The following ARMH4 variants were observed in gnomAD, a reference collection of about 807,000 sequenced individuals.
ARMH4 encodes armadillo-like helical domain-containing protein 4.
A neutral mutation model predicts 61.9 loss-of-function variants in ARMH4; 49 were observed. The ratio of observed to expected loss-of-function variants is 0.79; its 90% CI spans 0.63 to 1.00. The LOEUF is 1.00. Ranked by LOEUF, ARMH4 falls within the 50% of genes least tolerant of loss-of-function variation. The pLI is 0.00. For synonymous variants in ARMH4, 368 were observed against 341.5 expected (o/e 1.08, Z -0.85); for missense variants, 934 against 930.0 (o/e 1.00, Z -0.06).
At chr14:58,149,829 T>C (rs1369496297) in intron 1 of ARMH4, among the ~76,000 whole-genome samples, 1 of 152,172 alleles carries the variant, frequency 6.6e-6, no homozygotes, top group African/African-American at 2.4e-5. Context: ...ATAAAAGCAG[T>C]TTGAAACAAA....
chr14:58,011,984 C>T, intron 6 of ARMH4, 135 bp downstream of exon 6: 1 of 637,306 alleles, frequency 1.6e-6, no homozygotes, highest in Non-Finnish European at 2.7e-6. Context: ...GCAGGTACTG[C>T]AAGTTGCCCT....
chr14:58,068,653 T>C (rs1481548714), intron 5 of ARMH4, among the ~76,000 whole-genome samples: 1 of 152,130 alleles, frequency 6.6e-6, no homozygotes, highest in Non-Finnish European at 1.5e-5. Context: ...CAGGAAAGTG[T>C]TCCAACTCTT....
intron 6 of ARMH4, among the ~76,000 whole-genome samples, chr14:58,005,713 C>T (rs1355751570): frequency 6.6e-6 from 1 of 151,968 alleles, no homozygotes; most frequent in African/African-American, 2.4e-5. Context: ...GATGAAAATG[C>T]TTGTGGGTAA....
chr14:58,075,565 G>A (rs942786695), intron 5 of ARMH4, among the ~76,000 whole-genome samples: 1 of 141,652 alleles, frequency 7.1e-6, no homozygotes, highest in African/African-American at 2.6e-5. Flanking sequence ...AGAACACACG[G>A]ACACAGGGAG....
intron 5 of ARMH4, among the ~76,000 whole-genome samples, chr14:58,054,772 C>T (rs1046836843): frequency 1.3e-5 from 2 of 151,346 alleles, no homozygotes; most frequent in East Asian, 1.9e-4. Flanking sequence ...ATGGCAGGCA[C>T]CTGTAATGCC....
At chr14:58,148,351 C>T (rs1217488711) in intron 1 of ARMH4, among the ~76,000 whole-genome samples, 1 of 152,190 alleles carries the variant, frequency 6.6e-6, no homozygotes, top group African/African-American at 2.4e-5. Context: ...AGCTCTCAGG[C>T]TCCCAAGTTT....
At chr14:58,034,037 C>G (rs1346145955) in intron 5 of ARMH4, among the ~76,000 whole-genome samples, 1 of 120,544 alleles carries the variant, frequency 8.3e-6, no homozygotes, top group African/African-American at 3.0e-5. Flanking sequence ...CGTTCAGATT[C>G]AGGAAATACA....
chr14:58,009,617 C>T (rs1882310933), intron 6 of ARMH4, among the ~76,000 whole-genome samples: 1 of 151,952 alleles, frequency 6.6e-6, no homozygotes. Context: ...TCAAGACCAC[C>T]CTGGCCAACA....
chr14:58,097,918 T>C (rs899195899), intron 4 of ARMH4, among the ~76,000 whole-genome samples: 1 of 152,094 alleles, frequency 6.6e-6, no homozygotes, highest in Non-Finnish European at 1.5e-5. Flanking sequence ...TTAAGGAACA[T>C]ATGATTCCCA....
At chr14:58,105,524 T>C (rs184379962) in intron 4 of ARMH4, among the ~76,000 whole-genome samples, 319 of 151,898 alleles carry the variant, frequency 2.1e-3, no homozygotes, top group Non-Finnish European at 3.0e-3. Flanking sequence ...CTGTCTCTAC[T>C]AAAAATACAA....
intron 5 of ARMH4, among the ~76,000 whole-genome samples, chr14:58,069,128 T>C (rs572271463): frequency 2.6e-5 from 4 of 152,182 alleles, no homozygotes; most frequent in Admixed American, 1.3e-4. Flanking sequence ...AAGACTTACC[T>C]GGAAGATCAA....
intron 5 of ARMH4, among the ~76,000 whole-genome samples, chr14:58,069,656 A>G (rs1884820549): frequency 6.6e-6 from 1 of 152,172 alleles, no homozygotes; most frequent in Non-Finnish European, 1.5e-5. Flanking sequence ...AGACGGCAAG[A>G]GAAGAGGCAT....
intron 5 of ARMH4, among the ~76,000 whole-genome samples, chr14:58,061,317 C>G (rs1008519791): frequency 7.9e-5 from 12 of 152,136 alleles, no homozygotes; most frequent in Non-Finnish European, 1.8e-4. Context: ...GACACCCCAC[C>G]CACCAGAATC....
In ARMH4 at chr14:58,001,696, C is replaced by T. The variant is rs901248892; in HGVS notation, c.*3040G>A. The T allele has an allele frequency of 6.6e-6, 1 of 152,160 alleles. No homozygotes were observed. The allele number at this position is 152,160 out of a possible 1,614,324, so 9.4% of individuals were successfully genotyped here. ...GATAGATCCCTCCTAGCTGTGTTCC[C>T]AAGCTTGCTGGGGCATGAATACCCC... On this transcript the variant is annotated 3_prime_UTR_variant, in exon 8 of 8. Transcript: ENST00000267485.
intron 4 of ARMH4, chr14:58,131,297 CTTTTT>C: frequency 4.2e-6 from 2 of 480,304 alleles, no homozygotes; most frequent in Admixed American, 7.4e-5. Context: ...CTTCTTTTGA[CTTTTT>C]TTTTCAATCA....
chr14:58,086,162 G>C (rs1594748419), intron 5 of ARMH4, among the ~76,000 whole-genome samples: 1 of 152,302 alleles, frequency 6.6e-6, no homozygotes, highest in East Asian at 1.9e-4. Context: ...CTCCATGAGA[G>C]TGCCATCTGA....
chr14:58,026,295 A>G (rs1452606116), intron 5 of ARMH4, among the ~76,000 whole-genome samples: 2 of 151,230 alleles, frequency 1.3e-5, no homozygotes, highest in African/African-American at 2.4e-5. Flanking sequence ...ACCAGGGGAG[A>G]AAAAAAAAGT....
At chr14:58,143,680 T>C (rs1464650545) in intron 1 of ARMH4, among the ~76,000 whole-genome samples, 1 of 151,762 alleles carries the variant, frequency 6.6e-6, no homozygotes, top group Non-Finnish European at 1.5e-5. Context: ...GCCAGGTTGG[T>C]CTCGAACTTC....
At chr14:58,006,272 C>T (rs1406579946) in intron 6 of ARMH4, among the ~76,000 whole-genome samples, 1 of 152,134 alleles carries the variant, frequency 6.6e-6, no homozygotes, top group Admixed American at 6.5e-5. Flanking sequence ...TCTACCCATG[C>T]AAAATACATA....
Sources: gnomAD v4.1 joint callset for allele counts (sites outside exome capture counted in the v4.1 genomes callset) on GRCh38, gnomAD v4.1.1 for gene constraint, MANE v1.5 for transcripts, NCBI Gene and HGNC (gene_info 2026-07-23, HGNC 2026-07-21) for gene names.